Variants in ADAMTS16 observed in about 807,000 individuals in gnomAD.
ADAMTS16 encodes the protein A disintegrin and metalloproteinase with thrombospondin motifs 16.
Under a neutral mutation model 145.8 loss-of-function variants are expected in ADAMTS16, and 94 were observed. That is an observed-to-expected ratio of 0.64 (90% confidence interval 0.55 to 0.77). The LOEUF (loss-of-function observed/expected upper bound fraction) is 0.77, where lower values mean the gene tolerates loss of function less well. Among genes scored for constraint, ADAMTS16 ranks in the 30% least tolerant of loss-of-function variants. ADAMTS16 has a pLI of 0.00. For synonymous variants in ADAMTS16, 659 were observed against 604.3 expected, an observed-to-expected ratio of 1.09 and a Z score of -1.33; for missense variants, 1,585 against 1,591.5, an observed-to-expected ratio of 1.00 and a Z score of 0.07.
chr5:5,225,234 G>C (rs1470733705), intron 11 of ADAMTS16, among the ~76,000 whole-genome samples: 1 of 152,028 alleles, frequency 6.6e-6, no homozygotes, highest in African/African-American at 2.4e-5. Flanking sequence ...CTCTGGGAGG[G>C]GGCGGGACAA....
At chr5:5,186,016 T>A (rs1287884554) in intron 4 of ADAMTS16, 36 bp from the exon 5 acceptor site, 1 of 1,571,138 alleles carries the variant, frequency 6.4e-7, no homozygotes, top group Admixed American at 1.7e-5. Flanking sequence ...GTGTGTGACT[T>A]GTGCTTCCAT....
chr5:5,150,542 C>T (rs113047774), intron 3 of ADAMTS16, among the ~76,000 whole-genome samples: 187 of 152,348 alleles, frequency 1.2e-3, no homozygotes, highest in African/African-American at 4.3e-3. Context: ...TATACCCGGG[C>T]ACATGACGTG....
chr5:5,238,587 T>G (rs780641399), intron 14 of ADAMTS16, among the ~76,000 whole-genome samples: 21 of 149,362 alleles, frequency 1.4e-4, no homozygotes, highest in African/African-American at 4.4e-4. Flanking sequence ...TGCTTCTGAA[T>G]GGATTTTTTT....
intron 9 of ADAMTS16, among the ~76,000 whole-genome samples, 166 bp downstream of exon 9, chr5:5,200,435 T>G (rs900285373): frequency 2.1e-4 from 32 of 152,194 alleles, no homozygotes; most frequent in Non-Finnish European, 1.5e-5. Flanking sequence ...AAAAATCTCC[T>G]TAGAGCATGG....
chr5:5,213,728 A>G (rs1436467301), intron 10 of ADAMTS16, among the ~76,000 whole-genome samples: 1 of 152,084 alleles, frequency 6.6e-6, no homozygotes, highest in Non-Finnish European at 1.5e-5. Context: ...CAGGATGCTC[A>G]TTGAGGTCTC....
At chr5:5,298,912 TGGACAGTTGTGACCCATACAGCAGCTTGC>T (rs1216160967) in intron 18 of ADAMTS16, among the ~76,000 whole-genome samples, 3 of 152,172 alleles carry the variant, frequency 2.0e-5, no homozygotes, top group Non-Finnish European at 4.4e-5. Flanking sequence ...AACAGCCTAC[TGGACAGTTGTGACCCATACAGCAGCTTGC>T]GGAAGTCAGG....
intron 8 of ADAMTS16, among the ~76,000 whole-genome samples, chr5:5,196,265 G>T (rs981716671): frequency 2.1e-5 from 3 of 140,922 alleles, no homozygotes; most frequent in African/African-American, 7.9e-5. Context: ...AAGCAGCATT[G>T]GTGTCACTAT....
chr5:5,318,155 G>T lies in ADAMTS16; in HGVS notation c.3433G>T (p.Gly1145Cys). Residue 1145 changes from glycine to cysteine, a missense_variant, in exon 22 of 23, where the codon GGC (glycine) becomes TGC (cysteine). Transcript: ENST00000274181. ...ACAGTGCACGGCCAGCTGTGGGGGA[G>T]GCGTTCAGACGAGGTCCGTGCAGTG... ...WSQCTASCGG[G>C]VQTRSVQCLA... 1 of 1,499,898 alleles carries T rather than the reference G, an allele frequency of 6.7e-7. No homozygotes were observed. Among genetic ancestry groups the T allele is most frequent in the Non-Finnish European group, 8.9e-7 (1 of 1,118,994 alleles). 92.9% of individuals were successfully genotyped at this position (1,499,898 alleles called of 1,614,324 possible). A position where few individuals can be genotyped will look rare whatever the true frequency, so the allele number is the denominator to read the frequency against.
chr5:5,186,307 T>C, intron 5 of ADAMTS16, 56 bp downstream of exon 5: 1 of 1,049,912 alleles, frequency 9.5e-7, no homozygotes, highest in Non-Finnish European at 1.4e-6. Flanking sequence ...GTAGGGTGTG[T>C]GTGTGTGTGT....
rs771225829 is a variant in ADAMTS16 at position 5,232,348 on chromosome 5, A to G, written c.1702-20A>G. On this transcript the variant is annotated intron_variant, in intron 11 of 22. Coordinates refer to ENST00000274181, the MANE Select transcript of ADAMTS16 (RefSeq NM_139056.4). ...CCATCTGTGTGAGTCAAGTCAACTTATTTATGTTGAAAATTTTAGTGGTGC... is the reference window on the plus strand; with the variant it reads ...CCATCTGTGTGAGTCAAGTCAACTTGTTTATGTTGAAAATTTTAGTGGTGC... 8 of 1,613,854 alleles carry G rather than the reference A, an allele frequency of 5.0e-6. 1 individual carries two copies. The Admixed American group carries it at 1.3e-4, about 27-fold the overall frequency.
chr5:5,228,394 T>G (rs1046277703), intron 11 of ADAMTS16, among the ~76,000 whole-genome samples: 14 of 152,166 alleles, frequency 9.2e-5, no homozygotes, highest in Non-Finnish European at 1.6e-4. Context: ...ACCAAGATTT[T>G]TAATATATAA....
intron 18 of ADAMTS16, among the ~76,000 whole-genome samples, chr5:5,263,450 G>A (rs1310025984): frequency 6.6e-6 from 1 of 152,264 alleles, no homozygotes; most frequent in Non-Finnish European, 1.5e-5. Context: ...TGTCACAGAA[G>A]GTTGTGAAAA....
At chr5:5,227,473 G>A (rs1325036372) in intron 11 of ADAMTS16, among the ~76,000 whole-genome samples, 1 of 151,542 alleles carries the variant, frequency 6.6e-6, no homozygotes, top group Non-Finnish European at 1.5e-5. Context: ...TGGCTCCACC[G>A]GTCTGTTGTG....
intron 3 of ADAMTS16, among the ~76,000 whole-genome samples, chr5:5,181,411 TG>T (rs1178826847): frequency 1.3e-5 from 2 of 152,234 alleles, no homozygotes; most frequent in African/African-American, 4.8e-5. Flanking sequence ...TTTTTAACGT[TG>T]TATTTAGTCT....
chr5:5,236,818 G>A lies in ADAMTS16; in HGVS notation c.2024-151G>A, dbSNP rs188988100. ...TTAAAGAAACAAAACAAAACATAATGAGGCAACCATTAAAAATGCCATTGT... is the reference window on the plus strand; with the variant it reads ...TTAAAGAAACAAAACAAAACATAATAAGGCAACCATTAAAAATGCCATTGT... On this transcript the variant is annotated intron_variant, in intron 13 of 22. Coordinates refer to ENST00000274181, the MANE Select transcript of ADAMTS16 (RefSeq NM_139056.4). The A allele has an allele frequency of 2.7e-5, 26 of 974,330 alleles. No homozygotes were observed. The Admixed American group carries it at 4.0e-4, about 15-fold the overall frequency. The allele number at this position is 974,330 out of a possible 1,614,324, so 60.4% of individuals were successfully genotyped here.
intron 7 of ADAMTS16, among the ~76,000 whole-genome samples, chr5:5,190,887 A>G (rs902904028): frequency 2.0e-5 from 3 of 151,994 alleles, no homozygotes; most frequent in Non-Finnish European, 4.4e-5. Flanking sequence ...CCCTACCTCC[A>G]AAGAGTGGCT....
intron 11 of ADAMTS16, among the ~76,000 whole-genome samples, chr5:5,229,304 CAAAAAAA>C (rs1195176050): frequency 9.3e-5 from 7 of 75,544 alleles, no homozygotes; most frequent in Non-Finnish European, 1.2e-4. Flanking sequence ...GACTCCGTCT[CAAAAAAA>C]AAAAAAAAAA....
chr5:5,202,894 T>C (rs1402150419), intron 9 of ADAMTS16, among the ~76,000 whole-genome samples: 1 of 152,142 alleles, frequency 6.6e-6, no homozygotes, highest in Non-Finnish European at 1.5e-5. Flanking sequence ...AATTACATGC[T>C]CGGGGAATAA....
chr5:5,166,468 C>A (rs1720316499), intron 3 of ADAMTS16, among the ~76,000 whole-genome samples: 1 of 152,154 alleles, frequency 6.6e-6, no homozygotes, highest in Non-Finnish European at 1.5e-5. Flanking sequence ...CTTGAGCTCC[C>A]AGAGAGCCTG....
Sources: allele counts gnomAD v4.1 joint callset (sites outside exome capture counted in the v4.1 genomes callset), GRCh38; gene constraint gnomAD v4.1.1; transcripts MANE v1.5; gene names NCBI Gene and HGNC (gene_info 2026-07-23, HGNC 2026-07-21).